ATXN7L1: variants seen among roughly 807,000 people sequenced by gnomAD.
The protein encoded by ATXN7L1 is ataxin 7 like 1.
Under a neutral mutation model 70.8 loss-of-function variants are expected in ATXN7L1, and 15 were observed. The ratio of observed to expected loss-of-function variants is 0.21; its 90% CI spans 0.14 to 0.33. ATXN7L1 has a LOEUF of 0.33. Among genes scored for constraint, ATXN7L1 ranks in the 10% least tolerant of loss-of-function variants. The pLI, the probability that ATXN7L1 is intolerant of heterozygous loss-of-function variation, is 1.00. For synonymous variants in ATXN7L1, 440 were observed against 445.1 expected (o/e 0.99, Z 0.14); for missense variants, 975 against 1,097.1 (o/e 0.89, Z 1.57).
Position 105,727,746 on chromosome 7 carries a change from G to GTGTATATA in ATXN7L1, c.355+60857_355+60858insTATATACA, listed in dbSNP as rs1333693053. On this transcript the variant is annotated intron_variant, in intron 3 of 11. Coordinates refer to ENST00000419735, the MANE Select transcript of ATXN7L1 (RefSeq NM_020725.2). ...CATAGGGGTGTGTGTGTGTATGTGT[G>GTGTATATA]TATATATATATATATATATATATAT... is the stretch of plus-strand genomic sequence containing the variant. Among the ~76,000 whole-genome samples, 122 of 55,334 alleles carry GTGTATATA rather than the reference G, an allele frequency of 2.2e-3. 1 individual carries two copies. Among genetic ancestry groups the GTGTATATA allele is most frequent in the East Asian group, 0.017 (18 of 1,070 alleles). 36.3% of individuals were successfully genotyped at this position (55,334 alleles called of 152,430 possible). A position where few individuals can be genotyped will look rare whatever the true frequency, so the allele number is the denominator to read the frequency against.
At chr7:105,711,853 T>C (rs551739517) in intron 3 of ATXN7L1, among the ~76,000 whole-genome samples, 29 of 152,370 alleles carry the variant, frequency 1.9e-4, no homozygotes, top group South Asian at 1.2e-3. Context: ...GTGTGGGGCT[T>C]CCAACCCCAC....
rs1794724833 is a variant in ATXN7L1, at chr7:105,620,241, T to C, written c.1476A>G (p.Leu492=). 6.4e-7 allele frequency: 1 copy of C among 1,551,470 alleles called. No homozygotes were observed. Among genetic ancestry groups the C allele is most frequent in the South Asian group, 1.2e-5 (1 of 84,058 alleles). Residue 492 remains leucine, a synonymous_variant, in exon 9 of 12, where the codon CTA becomes CTG. Transcript: ENST00000419735. ...DRRWDRFRFA[L]NSMVEKHLNS... Reference sequence around the variant, plus strand: ...TCAGGTGTTTTTCTACCATGGAGTTTAGTGCGAATCGAAAACGATCCCATC... The same window carrying C: ...TCAGGTGTTTTTCTACCATGGAGTTCAGTGCGAATCGAAAACGATCCCATC...
At chr7:105,656,985 T>G (rs1800751928) in intron 4 of ATXN7L1, among the ~76,000 whole-genome samples, 1 of 152,214 alleles carries the variant, frequency 6.6e-6, no homozygotes. Flanking sequence ...GCCTGAACTC[T>G]AGAGTAGTGT....
chr7:105,606,534 G>C lies in ATXN7L1; in HGVS notation c.*1318C>G, dbSNP rs532070058. On this transcript the variant is annotated 3_prime_UTR_variant, in exon 12 of 12. Coordinates refer to ENST00000419735, the MANE Select transcript of ATXN7L1 (RefSeq NM_020725.2). ...TAATAGCACAGAACACCTATTTTATGTTGTGAATTCCTTTCCTGATTATGA... is the reference window on the plus strand; with the variant it reads ...TAATAGCACAGAACACCTATTTTATCTTGTGAATTCCTTTCCTGATTATGA... The C allele has an allele frequency of 6.6e-6, 1 of 152,324 alleles. No individual in the cohort carries two copies. The highest frequency in any genetic ancestry group is 1.9e-4 in the East Asian group (1 of 5,192). The allele number at this position is 152,324 out of a possible 1,614,324, so 9.4% of individuals were successfully genotyped here.
intron 2 of ATXN7L1, among the ~76,000 whole-genome samples, chr7:105,853,897 A>G (rs1815282810): frequency 6.6e-6 from 1 of 152,184 alleles, no homozygotes; most frequent in Non-Finnish European, 1.5e-5. Flanking sequence ...AGGATTCATA[A>G]TACTTCCCAC....
chr7:105,843,359 A>G (rs964270810), intron 2 of ATXN7L1, among the ~76,000 whole-genome samples: 1 of 152,272 alleles, frequency 6.6e-6, no homozygotes, highest in Non-Finnish European at 1.5e-5. Context: ...TGAGATGCTC[A>G]GCTTGCAGAC....
intron 3 of ATXN7L1, among the ~76,000 whole-genome samples, chr7:105,739,230 T>C (rs1285089395): frequency 6.6e-6 from 1 of 152,182 alleles, no homozygotes; most frequent in East Asian, 1.9e-4. Context: ...ATCACGCTTT[T>C]TGCCATTTTA....
intron 3 of ATXN7L1, among the ~76,000 whole-genome samples, chr7:105,681,588 A>T (rs907657336): frequency 2.0e-5 from 3 of 152,222 alleles, no homozygotes; most frequent in African/African-American, 7.2e-5. Context: ...GGTATCTCAA[A>T]TGTGGGTATA....
intron 2 of ATXN7L1, chr7:105,819,604 G>A: frequency 1.1e-6 from 1 of 906,036 alleles, no homozygotes. Context: ...GTCGTACGCT[G>A]TGAGGGCATC....
chr7:105,818,201 A>C (rs1809485943), intron 2 of ATXN7L1, among the ~76,000 whole-genome samples: 1 of 152,094 alleles, frequency 6.6e-6, no homozygotes, highest in Admixed American at 6.5e-5. Context: ...GGGGGGTCTC[A>C]TTCTGTTGCC....
At chr7:105,764,297 T>TAAA (rs773634140) in intron 3 of ATXN7L1, among the ~76,000 whole-genome samples, 7 of 143,844 alleles carry the variant, frequency 4.9e-5, no homozygotes, top group Non-Finnish European at 6.1e-5. Context: ...TGGCAAAGCT[T>TAAA]AAAGAAAAAA....
chr7:105,639,412 CAG>C (rs894175973), intron 6 of ATXN7L1, 73 bp downstream of exon 6: 17 of 1,179,460 alleles, frequency 1.4e-5, no homozygotes, highest in African/African-American at 6.1e-5. Context: ...CTGCCGTGTG[CAG>C]AGAGTGGCAT....
At chr7:105,661,870 G>T (rs923624204) in intron 4 of ATXN7L1, among the ~76,000 whole-genome samples, 3 of 152,144 alleles carry the variant, frequency 2.0e-5, no homozygotes, top group Admixed American at 6.6e-5. Flanking sequence ...TTACCGACTT[G>T]CAGGCATGGC....
chr7:105,709,559 C>T (rs886214597), intron 3 of ATXN7L1, among the ~76,000 whole-genome samples: 2 of 152,140 alleles, frequency 1.3e-5, no homozygotes, highest in African/African-American at 4.8e-5. Context: ...CTTCCCTAAT[C>T]ACCCCAGGGT....
intron 7 of ATXN7L1, among the ~76,000 whole-genome samples, chr7:105,636,495 A>G (rs1212115749): frequency 7.3e-6 from 1 of 137,846 alleles, no homozygotes; most frequent in East Asian, 2.1e-4. Context: ...TTCTCTGATT[A>G]ACCTCACCCA....
chr7:105,859,280 T>C (rs1336399793), intron 2 of ATXN7L1, among the ~76,000 whole-genome samples: 1 of 152,114 alleles, frequency 6.6e-6, no homozygotes, highest in Non-Finnish European at 1.5e-5. Flanking sequence ...GCTCTGAGAA[T>C]TTAAGTGAAC....
chr7:105,815,474 T>C (rs975386390), intron 2 of ATXN7L1, among the ~76,000 whole-genome samples: 7 of 152,206 alleles, frequency 4.6e-5, no homozygotes, highest in Non-Finnish European at 7.3e-5. Context: ...GGGCTTTTCA[T>C]TAGTAACACT....
chr7:105,736,851 C>T (rs113461759), intron 3 of ATXN7L1, among the ~76,000 whole-genome samples: 14 of 152,338 alleles, frequency 9.2e-5, no homozygotes, highest in African/African-American at 3.4e-4. Flanking sequence ...CTTTCTTCTC[C>T]ATCTTTCTCT....
At chr7:105,671,779 A>C (rs1803744782) in intron 3 of ATXN7L1, among the ~76,000 whole-genome samples, 2 of 148,982 alleles carry the variant, frequency 1.3e-5, no homozygotes, top group African/African-American at 5.0e-5. Flanking sequence ...AGTCCCAGCT[A>C]CTTAGGAGGC....
Sources: allele counts gnomAD v4.1 joint callset (sites outside exome capture counted in the v4.1 genomes callset), GRCh38; gene constraint gnomAD v4.1.1; transcripts MANE v1.5; gene names NCBI Gene and HGNC (gene_info 2026-07-23, HGNC 2026-07-21).